CYP27A1: variants seen among roughly 807,000 people sequenced by gnomAD.
The protein encoded by CYP27A1 is cytochrome P450 family 27 subfamily A member 1.
CYP27A1 carries 46 observed loss-of-function variants against 58.2 expected under a neutral mutation model. The ratio of observed to expected loss-of-function variants is 0.79; its 90% CI spans 0.62 to 1.01. CYP27A1 has a LOEUF of 1.01. CYP27A1 is among the 50% of genes least tolerant of loss of function. The pLI, the probability that CYP27A1 is intolerant of heterozygous loss-of-function variation, is 0.00. For synonymous variants in CYP27A1, 274 were observed against 285.1 expected, an observed-to-expected ratio of 0.96 and a Z score of 0.39; for missense variants, 704 against 687.0, an observed-to-expected ratio of 1.02 and a Z score of -0.28.
chr2:218,809,677 G>A lies in CYP27A1; in HGVS notation c.356G>A (p.Arg119Gln), dbSNP rs748904875. 5.0e-6 allele frequency: 8 copies of A among 1,614,084 alleles called. No individual in the cohort carries two copies. The highest frequency in any genetic ancestry group is 1.7e-4 in the Middle Eastern group (1 of 6,058). ...ASAPLLEQVM[R>Q]QEGKYPVRND... ...GCCCCGCTCTTGGAGCAAGTGATGCGGCAAGAGGGCAAGTACCCAGTACGG... is the reference window on the plus strand; with the variant it reads ...GCCCCGCTCTTGGAGCAAGTGATGCAGCAAGAGGGCAAGTACCCAGTACGG... The change falls in exon 2 of 9, where the codon CGG (arginine) becomes CAG (glutamine). Residue 119 changes from arginine (R) to glutamine (Q), a missense_variant. Physicochemically the swap from Arg to Gln is conservative, Grantham distance 43. Coordinates refer to ENST00000258415, the MANE Select transcript of CYP27A1 (RefSeq NM_000784.4).
intron 5 of CYP27A1, among the ~76,000 whole-genome samples, 169 bp downstream of exon 5, chr2:218,813,265 A>C (rs1943744370): frequency 6.6e-6 from 1 of 152,192 alleles, no homozygotes; most frequent in Non-Finnish European, 1.5e-5. Flanking sequence ...AGCTTAGCCG[A>C]GGTGGGAGGA....
chr2:218,791,784 T>C (rs368842797), intron 1 of CYP27A1, among the ~76,000 whole-genome samples: 1 of 152,186 alleles, frequency 6.6e-6, no homozygotes, highest in African/African-American at 2.4e-5. Flanking sequence ...AAGGGCTTCA[T>C]GTCCTCAGTC....
chr2:218,799,161 G>C (rs770165456), intron 1 of CYP27A1, among the ~76,000 whole-genome samples: 1 of 152,156 alleles, frequency 6.6e-6, no homozygotes, highest in Non-Finnish European at 1.5e-5. Context: ...AAGTTTCTTG[G>C]TGCTGCCCAC....
Position 218,782,503 on chromosome 2 carries a change from AG to A in CYP27A1, c.255+67del. 1 of 1,602,628 alleles carries A rather than the reference AG, an allele frequency of 6.2e-7. No homozygotes were observed. Among genetic ancestry groups the A allele is most frequent in the South Asian group, 1.1e-5 (1 of 90,422 alleles). On this transcript the variant is annotated intron_variant, in intron 1 of 8. Transcript: ENST00000258415. This position sits in a 1 kb window ranked among gnomAD's most constrained non-coding sequence, Gnocchi z 4.1. ...CACCGGAACAGAGAGGCTAGAGGTG[AG>A]AAGACGTTGGACAGAAAGTGAAGGC...
chr2:218,785,853 C>G (rs1021950191), intron 1 of CYP27A1, among the ~76,000 whole-genome samples: 1 of 152,196 alleles, frequency 6.6e-6, no homozygotes, highest in African/African-American at 2.4e-5. Context: ...CAGTTACTCA[C>G]TTTGTATCAG....
chr2:218,808,977 T>C (rs1943680300), intron 1 of CYP27A1, among the ~76,000 whole-genome samples: 1 of 152,142 alleles, frequency 6.6e-6, no homozygotes, highest in African/African-American at 2.4e-5. Context: ...GACAAAATCA[T>C]ATGGAAGCTC....
At position 218,809,694 on chromosome 2, in the gene CYP27A1, C is replaced by G. The variant is rs1046723537; in HGVS notation, c.373C>G (p.Pro125Ala). ...AGTGATGCGGCAAGAGGGCAAGTAC[C>G]CAGTACGGAACGACATGGAGCTATG... ...EQVMRQEGKY[P>A]VRNDMELWKE... is the part of the protein sequence containing the mutation. Residue 125 changes from proline (P) to alanine (A), a missense_variant, in exon 2 of 9, where the codon CCA (proline) becomes GCA (alanine). Physicochemically the swap from Pro to Ala is conservative, Grantham distance 27. Transcript: ENST00000258415. The G allele has an allele frequency of 1.1e-5, 18 of 1,614,042 alleles. No homozygotes were observed. Among genetic ancestry groups the G allele is most frequent in the Middle Eastern group, 3.3e-4 (2 of 6,084 alleles).
chr2:218,783,869 C>G (rs1943418078), intron 1 of CYP27A1, among the ~76,000 whole-genome samples: 2 of 152,164 alleles, frequency 1.3e-5, no homozygotes, highest in South Asian at 4.2e-4. Flanking sequence ...ACAGGACTGG[C>G]CTTTGAGGAC....
chr2:218,791,945 A>C (rs1444962064), intron 1 of CYP27A1, among the ~76,000 whole-genome samples: 1 of 152,180 alleles, frequency 6.6e-6, no homozygotes, highest in African/African-American at 2.4e-5. Context: ...TCCCTCTATA[A>C]ATGTTTAAAT....
intron 7 of CYP27A1, 25 bp from the exon 8 acceptor site, chr2:218,814,520 C>G (rs747135158): frequency 1.9e-6 from 3 of 1,613,280 alleles, no homozygotes; most frequent in Admixed American, 1.7e-5. Context: ...GAGAGGCATT[C>G]ATGCTGCCCA....
chr2:218,813,264 G>A (rs923505006), intron 5 of CYP27A1, among the ~76,000 whole-genome samples, 168 bp downstream of exon 5: 3 of 152,162 alleles, frequency 2.0e-5, no homozygotes, highest in South Asian at 2.1e-4. Context: ...CAGCTTAGCC[G>A]AGGTGGGAGG....
At position 218,814,188 on chromosome 2, in the gene CYP27A1, G is replaced by A. The variant is rs587778777; in HGVS notation, c.1184+1G>A. On this transcript the variant is annotated splice_donor_variant, in intron 6 of 8. Coordinates refer to ENST00000258415, the MANE Select transcript of CYP27A1 (RefSeq NM_000784.4). LOFTEE classifies it high-confidence loss of function. ...AAGCTGTGCTTAAGGAGACTCTGCGGTAGGACAGAATGCTGTTCTGGGGGG... is the reference window on the plus strand; with the variant it reads ...AAGCTGTGCTTAAGGAGACTCTGCGATAGGACAGAATGCTGTTCTGGGGGG... 1.3e-4 allele frequency: 207 copies of A among 1,614,128 alleles called. No individual in the cohort carries two copies. The highest frequency in any genetic ancestry group is 8.5e-4 in the South Asian group (77 of 91,094).
rs372194079 is a variant in CYP27A1 at position 218,814,031 on chromosome 2, C to G, written c.1028C>G (p.Thr343Arg). 1 of 1,614,224 alleles carries G rather than the reference C, an allele frequency of 6.2e-7. No homozygotes were observed. The part of the protein sequence containing the change: ...LMAGVDTTSN[T>R]LTWALYHLSK... Reference sequence around the variant, plus strand: ...CACTCTATCTTCTAGACATCCAACACGCTGACATGGGCCCTGTACCACCTC... The same window carrying G: ...CACTCTATCTTCTAGACATCCAACAGGCTGACATGGGCCCTGTACCACCTC... Residue 343 changes from threonine to arginine, a missense_variant, in exon 6 of 9, where the codon ACG (threonine) becomes AGG (arginine). Physicochemically the swap from Thr to Arg is moderately conservative, Grantham distance 71. Transcript: ENST00000258415.
In CYP27A1 at chr2:218,809,742, G is replaced by A. The variant is rs746358147; in HGVS notation, c.421G>A (p.Asp141Asn). ...ATGGAAGGAGCACCGGGACCAGCAC[G>A]ACCTGACCTATGGGCCGTTCACCAC... The part of the protein sequence containing the change: ...ELWKEHRDQH[D>N]LTYGPFTTEG... The change falls in exon 2 of 9, where the codon GAC (aspartate) becomes AAC (asparagine). Residue 141 changes from aspartate (D) to asparagine (N), a missense_variant. Asp to Asn is a conservative substitution (Grantham distance 23). Transcript: ENST00000258415. 4 of 1,613,846 alleles carry A rather than the reference G, an allele frequency of 2.5e-6. No individual in the cohort carries two copies. Among genetic ancestry groups the A allele is most frequent in the African/African-American group, 2.7e-5 (2 of 75,016 alleles).
Position 218,803,908 on chromosome 2 carries a change from T to A in CYP27A1, c.256-5669T>A, listed in dbSNP as rs548412648. ...CCACCACACCTGCCTAATTTTTGTA[T>A]TTTTAGTAGAGATGGGGTTTCACCA... On this transcript the variant is annotated intron_variant, in intron 1 of 8. Transcript: ENST00000258415. 4.6e-5 allele frequency among the ~76,000 whole-genome samples: 7 copies of A among 151,554 alleles called. No individual in the cohort carries two copies. The East Asian group carries it at 1.4e-3, about 29-fold the overall frequency.
chr2:218,797,506 C>T (rs865955395), intron 1 of CYP27A1, among the ~76,000 whole-genome samples: 9 of 152,296 alleles, frequency 5.9e-5, no homozygotes, highest in Middle Eastern at 6.8e-3. Context: ...TAAAGAAGAT[C>T]GAACACCATT....
chr2:218,785,360 G>C (rs1462810782), intron 1 of CYP27A1, among the ~76,000 whole-genome samples: 3 of 152,078 alleles, frequency 2.0e-5, no homozygotes, highest in Admixed American at 2.0e-4. Flanking sequence ...GGGAGGCCTG[G>C]TTCCTAACAG....
intron 1 of CYP27A1, among the ~76,000 whole-genome samples, chr2:218,785,174 G>T (rs1005078579): frequency 2.5e-4 from 38 of 152,304 alleles, no homozygotes; most frequent in African/African-American, 8.9e-4. Context: ...CTCTTAAGGA[G>T]TGTGCAACCT....
At chr2:218,801,917 A>G (rs1293704048) in intron 1 of CYP27A1, among the ~76,000 whole-genome samples, 3 of 151,070 alleles carry the variant, frequency 2.0e-5, no homozygotes, top group Non-Finnish European at 2.9e-5. Context: ...AGGAGCAGGA[A>G]TGGAGCCTGC....
Sources: gnomAD v4.1 joint callset for allele counts (sites outside exome capture counted in the v4.1 genomes callset) on GRCh38, gnomAD v4.1.1 for gene constraint, Gnocchi (gnomAD v3.1) non-coding constraint, MANE v1.5 for transcripts, NCBI Gene and HGNC (gene_info 2026-07-23, HGNC 2026-07-21) for gene names.